TNFSF4: variants seen among roughly 807,000 people sequenced by gnomAD.
TNFSF4 encodes TNF superfamily member 4.
In TNFSF4, 4 loss-of-function variants were observed where a neutral mutation model predicts 7.3. The observed-to-expected ratio is 0.55, with a 90% CI of 0.27 to 1.25. TNFSF4 has a LOEUF of 1.25. TNFSF4 is among the 50% of genes most tolerant of loss of function. TNFSF4 has a pLI of 0.12. For missense variants in TNFSF4, 181 were observed against 208.8 expected, an observed-to-expected ratio of 0.87 and a Z score of 0.82; for synonymous variants, 76 against 83.7, an observed-to-expected ratio of 0.91 and a Z score of 0.50.
At chr1:173,228,997 A>T in the TNFSF4 span, among the ~76,000 whole-genome samples, 3 of 152,242 alleles carry the variant, frequency 2.0e-5, no homozygotes, top group East Asian at 5.8e-4. Flanking sequence ...CCAAGTTGGG[A>T]AACACTCTGC....
the TNFSF4 span, among the ~76,000 whole-genome samples, chr1:173,260,768 C>T: frequency 1.3e-5 from 2 of 152,114 alleles, no homozygotes; most frequent in Non-Finnish European, 2.9e-5. Context: ...GTAAAGGATT[C>T]AATTAAACAA....
At chr1:173,191,819 C>T (rs1649492069) in intron 1 of TNFSF4, among the ~76,000 whole-genome samples, 1 of 152,104 alleles carries the variant, frequency 6.6e-6, no homozygotes, top group African/African-American at 2.4e-5. Flanking sequence ...AGATGAACAC[C>T]AAGTTTAGAT....
the TNFSF4 span, among the ~76,000 whole-genome samples, chr1:173,389,623 T>A: frequency 6.6e-6 from 1 of 152,194 alleles, no homozygotes; most frequent in South Asian, 2.1e-4. Flanking sequence ...AGAATGAAGA[T>A]CTTCTAGTCC....
chr1:173,422,345 AG>A, the TNFSF4 span, among the ~76,000 whole-genome samples: 1 of 150,374 alleles, frequency 6.7e-6, no homozygotes, highest in African/African-American at 2.4e-5. Flanking sequence ...AAAAAAAAAA[AG>A]GACTGGGAGA....
chr1:173,312,390 G>C, the TNFSF4 span, among the ~76,000 whole-genome samples: 1 of 151,882 alleles, frequency 6.6e-6, no homozygotes, highest in Non-Finnish European at 1.5e-5. Flanking sequence ...ATTTGTGTTT[G>C]AGTGAATTTC....
chr1:173,368,713 G>C, the TNFSF4 span, among the ~76,000 whole-genome samples: 1 of 152,120 alleles, frequency 6.6e-6, no homozygotes, highest in African/African-American at 2.4e-5. Context: ...CAACAAGTTG[G>C]TTGACCCTGC....
At chr1:173,362,098 A>AATGGCAAAT in the TNFSF4 span, among the ~76,000 whole-genome samples, 3 of 152,354 alleles carry the variant, frequency 2.0e-5, no homozygotes, top group South Asian at 6.2e-4. Flanking sequence ...TAAGCATGAG[A>AATGGCAAAT]ATGGCAAATA....
At chr1:173,302,370 C>G in the TNFSF4 span, among the ~76,000 whole-genome samples, 1 of 151,794 alleles carries the variant, frequency 6.6e-6, no homozygotes, top group Non-Finnish European at 1.5e-5. Context: ...GTTCTGACAT[C>G]CCTAAGAAGC....
the TNFSF4 span, among the ~76,000 whole-genome samples, chr1:173,262,961 G>A: frequency 6.6e-6 from 1 of 152,126 alleles, no homozygotes. Context: ...AAATCAATGT[G>A]CAAAAATCAC....
the TNFSF4 span, among the ~76,000 whole-genome samples, chr1:173,219,747 G>T: frequency 1.3e-5 from 2 of 152,008 alleles, no homozygotes; most frequent in African/African-American, 4.8e-5. Flanking sequence ...GGCATTTGCA[G>T]CAATCTGGAT....
rs1055001966 is a variant in TNFSF4 at position 173,185,299 on chromosome 1, A to G, written c.*1217T>C. ...GAAAAATCAGATTGTCCACAGCGCC[A>G]TAAGCATAACACATTATATCAAGTT... On this transcript the variant is annotated 3_prime_UTR_variant, in exon 3 of 3. Coordinates refer to ENST00000281834, the MANE Select transcript of TNFSF4 (RefSeq NM_003326.5). 2.0e-5 allele frequency: 3 copies of G among 152,256 alleles called. No individual in the cohort carries two copies. Among genetic ancestry groups the G allele is most frequent in the African/African-American group, 7.2e-5 (3 of 41,478 alleles). 9.4% of individuals were successfully genotyped at this position (152,256 alleles called of 1,614,324 possible).
At chr1:173,382,070 G>A in the TNFSF4 span, among the ~76,000 whole-genome samples, 5 of 152,124 alleles carry the variant, frequency 3.3e-5, no homozygotes, top group Non-Finnish European at 5.9e-5. Context: ...TGGAAGTTTT[G>A]TTCTTTTGCT....
At chr1:173,267,207 G>A in the TNFSF4 span, among the ~76,000 whole-genome samples, 2 of 152,202 alleles carry the variant, frequency 1.3e-5, no homozygotes, top group Admixed American at 1.3e-4. Context: ...CTTTAGCAGA[G>A]TAACACCCAT....
the TNFSF4 span, among the ~76,000 whole-genome samples, chr1:173,299,310 GATC>G: frequency 6.6e-6 from 1 of 151,976 alleles, no homozygotes; most frequent in East Asian, 2.0e-4. Context: ...CTTTGCCCAA[GATC>G]ATGGCTCACT....
chr1:173,351,396 C>T, the TNFSF4 span, among the ~76,000 whole-genome samples: 1 of 152,192 alleles, frequency 6.6e-6, no homozygotes, highest in African/African-American at 2.4e-5. Flanking sequence ...TCTGTCACAA[C>T]ATTTCTCACA....
the TNFSF4 span, among the ~76,000 whole-genome samples, chr1:173,231,312 T>A: frequency 2.0e-5 from 3 of 151,948 alleles, no homozygotes; most frequent in Non-Finnish European, 2.9e-5. Flanking sequence ...AATAAACATA[T>A]TCCAGCATAT....
the TNFSF4 span, among the ~76,000 whole-genome samples, chr1:173,336,249 T>A: frequency 6.6e-6 from 1 of 152,288 alleles, no homozygotes; most frequent in East Asian, 1.9e-4. Flanking sequence ...ACTACCACCA[T>A]TAAAGATTTG....
chr1:173,228,959 G>A, the TNFSF4 span, among the ~76,000 whole-genome samples: 1 of 152,208 alleles, frequency 6.6e-6, no homozygotes, highest in Admixed American at 6.5e-5. Context: ...TCTGACTGGT[G>A]TACCTGAAAG....
At chr1:173,177,487 C>G in the TNFSF4 span, among the ~76,000 whole-genome samples, 5,254 of 152,176 alleles carry the variant, frequency 0.035, 284 homozygotes, top group African/African-American at 0.12. Flanking sequence ...AGCTACCTAT[C>G]GGGTTCTTAC....
Sources: gnomAD v4.1 joint callset for allele counts (sites outside exome capture counted in the v4.1 genomes callset) on GRCh38, gnomAD v4.1.1 for gene constraint, MANE v1.5 for transcripts, NCBI Gene and HGNC (gene_info 2026-07-23, HGNC 2026-07-21) for gene names.